The following BCORL1 variants were observed in gnomAD, a reference collection of about 807,000 sequenced individuals.
BCORL1 encodes BCL-6 corepressor-like protein 1.
In BCORL1, 7 loss-of-function variants were observed where a neutral mutation model predicts 87.6. The observed-to-expected ratio is 0.08, with a 90% confidence interval of 0.05 to 0.15. BCORL1 has a LOEUF of 0.15. Ranked by LOEUF, BCORL1 falls within the 10% of genes least tolerant of loss-of-function variation. BCORL1 has a pLI of 1.00. For missense variants in BCORL1, 1,215 were observed against 1,499.7 expected (o/e 0.81, Z 3.13); for synonymous variants, 591 against 634.4 (o/e 0.93, Z 1.03).
Position 130,015,596 on chromosome X carries a change from G to A in BCORL1, c.2824G>A (p.Gly942Arg). The change falls in exon 4 of 14, where the codon GGG becomes AGG. Residue 942 changes from glycine to arginine, a missense_variant. Gly to Arg is a moderately radical substitution (Grantham distance 125). Around this residue, in one of 5 missense-constraint regions of BCORL1, gnomAD observed 861 missense variants for 1,010.0 expected, o/e 0.85. Transcript: ENST00000540052. ...TLALSVQPSGGDIRMNQGPEE... is the reference protein window; with the variant it reads ...TLALSVQPSGRDIRMNQGPEE... ...GGCACTGTCTGTTCAGCCTAGCGGT[G>A]GGGACATTCGAATGAATCAGGGGCC... 8.2e-7 allele frequency: 1 copy of A among 1,212,194 alleles called. No individual in the cohort carries two copies. The highest frequency in any genetic ancestry group is 1.1e-6 in the Non-Finnish European group (1 of 895,615).
Position 129,988,279 on chromosome X carries a change from A to C in BCORL1, c.-45+5517A>C, listed in dbSNP as rs774186193. Among the ~76,000 whole-genome samples, 4 of 111,943 alleles carry C rather than the reference A, an allele frequency of 3.6e-5. No individual in the cohort carries two copies. The South Asian group carries it at 1.5e-3, about 42-fold the overall frequency. ...TAAATCATTCCCTTTCCCACTGTTC[A>C]TAACTTAAAAGCAATCTTTTATGAT... On this transcript the variant is annotated intron_variant, in intron 1 of 13. Coordinates refer to ENST00000540052, the MANE Select transcript of BCORL1 (RefSeq NM_001379451.1).
intron 7 of BCORL1, among the ~76,000 whole-genome samples, chrX:130,027,596 A>G (rs1473159323): frequency 8.9e-6 from 1 of 112,692 alleles, no homozygotes; most frequent in East Asian, 2.8e-4. Context: ...TCCTTTGGGG[A>G]GGAAAACACA....
Position 130,025,072 on chromosome X carries a change from G to A in BCORL1, c.3771G>A (p.Glu1257=). ...QEVFPTEEEE[E]VTPTPAKRRK... ...TCTTCCCCACAGAAGAAGAAGAGGA[G>A]GTAACCCCCACCCCAGCTAAGCGTC... The change falls in exon 7 of 14, where the codon GAG becomes GAA. Residue 1257 remains glutamate, a synonymous_variant. Transcript: ENST00000540052. The A allele has an allele frequency of 1.7e-6, 2 of 1,211,967 alleles. No homozygotes were observed. The highest frequency in any genetic ancestry group is 1.7e-5 in the African/African-American group (1 of 57,814).
intron 11 of BCORL1, among the ~76,000 whole-genome samples, chrX:130,044,601 C>G (rs1262976375): frequency 9.1e-6 from 1 of 110,252 alleles, no homozygotes; most frequent in East Asian, 2.8e-4. Context: ...CTTCTGCCTC[C>G]TGGGTTCAAG....
rs1030286514 is a variant in BCORL1, at chrX:130,056,402, C to T, written c.*266C>T. ...CTCCATGTCTGAGGACAAGAGGTCC[C>T]GGGGGTGGTGGGAGGTGGCGCCGGG... On this transcript the variant is annotated 3_prime_UTR_variant, in exon 14 of 14. Coordinates refer to ENST00000540052, the MANE Select transcript of BCORL1 (RefSeq NM_001379451.1). 5.8e-5 allele frequency: 16 copies of T among 278,045 alleles called. No individual in the cohort carries two copies. The highest frequency in any genetic ancestry group is 4.2e-4 in the African/African-American group (15 of 35,787). The allele number at this position is 278,045 out of a possible 1,213,427, so 22.9% of individuals were successfully genotyped here.
At chrX:129,988,236 A>G (rs1035826766) in intron 1 of BCORL1, among the ~76,000 whole-genome samples, 2 of 111,821 alleles carry the variant, frequency 1.8e-5, no homozygotes, top group African/African-American at 6.5e-5. Context: ...TAATGTAGAA[A>G]TGGTTCTTTT....
chrX:130,053,296 C>G (rs975993471), intron 13 of BCORL1, among the ~76,000 whole-genome samples: 6 of 109,324 alleles, frequency 5.5e-5, no homozygotes, highest in African/African-American at 1.3e-4. Flanking sequence ...TGCCCTCCCC[C>G]CCACCACCCC....
chrX:130,024,741 A>G (rs1930116059), intron 6 of BCORL1, among the ~76,000 whole-genome samples: 1 of 111,689 alleles, frequency 9.0e-6, no homozygotes, highest in Admixed American at 9.5e-5. Flanking sequence ...TCTGTAAAGC[A>G]CATATGCGTG....
At chrX:130,004,251 T>G (rs1014671831) in intron 1 of BCORL1, among the ~76,000 whole-genome samples, 1 of 101,478 alleles carries the variant, frequency 9.9e-6, no homozygotes, top group Non-Finnish European at 2.0e-5. Context: ...GTTTTTTTTT[T>G]TTTTTTTTTT....
At position 130,042,997 on chromosome X, in the gene BCORL1, T is replaced by A. The variant is rs866130747; in HGVS notation, c.4840+3715T>A. 4.4e-5 allele frequency among the ~76,000 whole-genome samples: 4 copies of A among 91,493 alleles called. No homozygotes were observed. In the East Asian group the frequency reaches 1.1e-3, roughly 25 times the overall value. 79.5% of individuals were successfully genotyped at this position (91,493 alleles called of 115,157 possible). A position where few individuals can be genotyped will look rare whatever the true frequency, so the allele number is the denominator to read the frequency against. ...CAAAAAATTAATTAATTAAAAAAAATAAAGTGAACAATTCAGTGGGATTTA... is the reference window on the plus strand; with the variant it reads ...CAAAAAATTAATTAATTAAAAAAAAAAAAGTGAACAATTCAGTGGGATTTA... On this transcript the variant is annotated intron_variant, in intron 11 of 13. Transcript: ENST00000540052.
chrX:130,007,725 G>T (rs948292951), intron 2 of BCORL1, among the ~76,000 whole-genome samples: 8 of 112,389 alleles, frequency 7.1e-5, no homozygotes, highest in African/African-American at 2.6e-4. Flanking sequence ...TTGAACCCGA[G>T]AGGTGGAGGT....
chrX:129,998,388 C>G (rs1397534511), intron 1 of BCORL1, among the ~76,000 whole-genome samples: 2 of 110,591 alleles, frequency 1.8e-5, no homozygotes, highest in East Asian at 5.7e-4. Context: ...GAAGGGAGAA[C>G]ACATGAGTAC....
intron 7 of BCORL1, among the ~76,000 whole-genome samples, chrX:130,025,643 A>G (rs779198307): frequency 9.0e-6 from 1 of 111,239 alleles, no homozygotes; most frequent in East Asian, 2.8e-4. Context: ...CCTGTGGGCA[A>G]GGCCACGGTG....
rs762017989 is a variant in BCORL1, at chrX:130,056,209, C to T, written c.*73C>T. ...CCCCCACCTCCTTGTCTTTCCCCGA[C>T]CGAGCACCAGACTGCAGAATGAGGC... On this transcript the variant is annotated 3_prime_UTR_variant, in exon 14 of 14. Transcript: ENST00000540052. 8.6e-5 allele frequency: 88 copies of T among 1,026,795 alleles called. No homozygotes were observed. Among genetic ancestry groups the T allele is most frequent in the Non-Finnish European group, 1.1e-4 (84 of 777,019 alleles). 84.6% of individuals were successfully genotyped at this position (1,026,795 alleles called of 1,213,427 possible).
At chrX:130,039,454 A>C (rs758557617) in intron 11 of BCORL1, among the ~76,000 whole-genome samples, 172 bp downstream of exon 11, 1 of 112,474 alleles carries the variant, frequency 8.9e-6, no homozygotes, top group African/African-American at 3.2e-5. Flanking sequence ...TGCTTGAAAA[A>C]GTCCAAAGGC....
chrX:130,016,112 C>T lies in BCORL1; in HGVS notation c.3340C>T (p.Leu1114=). The change falls in exon 4 of 14, where the codon CTG becomes TTG. Residue 1114 remains leucine (L), a synonymous_variant. Coordinates refer to ENST00000540052, the MANE Select transcript of BCORL1 (RefSeq NM_001379451.1). The part of the protein sequence containing the change: ...KWQPDDVTES[L]PPKKMKCGKE... ...GCAGCCAGATGATGTGACGGAATCT[C>T]TGCCGCCCAAGAAGATGAAGTGCGG... 3 of 1,211,454 alleles carry T rather than the reference C, an allele frequency of 2.5e-6. No individual in the cohort carries two copies. The highest frequency in any genetic ancestry group is 3.3e-6 in the Non-Finnish European group (3 of 895,540).
intron 11 of BCORL1, among the ~76,000 whole-genome samples, chrX:130,042,698 G>A (rs1174729379): frequency 3.6e-5 from 4 of 111,824 alleles, no homozygotes; most frequent in East Asian, 2.8e-4. Flanking sequence ...CGGGCCAGGC[G>A]TGGTGGCTCA....
intron 13 of BCORL1, among the ~76,000 whole-genome samples, chrX:130,054,673 A>C (rs55931003): frequency 0.026 from 2,825 of 110,584 alleles, 86 homozygotes; most frequent in African/African-American, 0.088. Context: ...GCGCTTTGGG[A>C]GGCTGAGGCG....
intron 13 of BCORL1, among the ~76,000 whole-genome samples, chrX:130,053,071 C>T (rs190526937): frequency 3.6e-5 from 4 of 111,915 alleles, no homozygotes; most frequent in East Asian, 5.6e-4. Context: ...ACCTGTGAGG[C>T]GGAGGTTGCA....
Sources: allele counts gnomAD v4.1 joint callset (sites outside exome capture counted in the v4.1 genomes callset), GRCh38; gene constraint gnomAD v4.1.1; regional missense constraint gnomAD v4.1.1; transcripts MANE v1.5; gene names NCBI Gene and HGNC (gene_info 2026-07-23, HGNC 2026-07-21).